Variants in PHACTR1 observed in about 807,000 individuals in gnomAD.
The protein encoded by PHACTR1 is phosphatase and actin regulator 1.
A neutral mutation model predicts 69.2 loss-of-function variants in PHACTR1; 16 were observed. The ratio of observed to expected loss-of-function variants is 0.23; its 90% CI spans 0.16 to 0.35. The LOEUF (loss-of-function observed/expected upper bound fraction) is 0.35. Among genes scored for constraint, PHACTR1 ranks in the 10% least tolerant of loss-of-function variants. The pLI, the probability that PHACTR1 is intolerant of heterozygous loss-of-function variation, is 1.00. For synonymous variants in PHACTR1, 312 were observed against 284.5 expected, an observed-to-expected ratio of 1.10 and a Z score of -0.97; for missense variants, 510 against 734.7, an observed-to-expected ratio of 0.69 and a Z score of 3.54.
intron 8 of PHACTR1, among the ~76,000 whole-genome samples, chr6:13,213,100 G>A (rs1167496728): frequency 1.3e-5 from 2 of 152,120 alleles, no homozygotes; most frequent in Non-Finnish European, 2.9e-5. Flanking sequence ...GAGTGAGTGA[G>A]TGAGTGAGTG....
chr6:12,844,124 G>T (rs1778959796), intron 4 of PHACTR1, among the ~76,000 whole-genome samples: 2 of 152,186 alleles, frequency 1.3e-5, no homozygotes, highest in Non-Finnish European at 2.9e-5. Context: ...GCCAAGCGCA[G>T]TGGCTCATAC....
chr6:12,819,049 C>T (rs1775907587), intron 4 of PHACTR1, among the ~76,000 whole-genome samples: 1 of 152,222 alleles, frequency 6.6e-6, no homozygotes, highest in African/African-American at 2.4e-5. Flanking sequence ...ACTTCTCAGT[C>T]AAAGCATTGA....
intron 4 of PHACTR1, among the ~76,000 whole-genome samples, chr6:12,829,324 C>T (rs1235453521): frequency 1.3e-5 from 2 of 152,174 alleles, no homozygotes; most frequent in Non-Finnish European, 2.9e-5. Flanking sequence ...CAACTGTTTA[C>T]ATGAAGTTGT....
chr6:13,047,804 C>T (rs537739255), intron 4 of PHACTR1, among the ~76,000 whole-genome samples: 1 of 151,956 alleles, frequency 6.6e-6, no homozygotes, highest in Admixed American at 6.6e-5. Flanking sequence ...AGCAGAAAGC[C>T]AAGGTGATGC....
intron 4 of PHACTR1, among the ~76,000 whole-genome samples, chr6:13,040,362 A>G (rs1327704473): frequency 1.3e-5 from 2 of 152,222 alleles, no homozygotes; most frequent in Admixed American, 1.3e-4. Context: ...GGGAAAAAGG[A>G]ACAAGCACAA....
intron 10 of PHACTR1, among the ~76,000 whole-genome samples, chr6:13,263,009 C>T (rs990978162): frequency 2.6e-5 from 4 of 152,160 alleles, no homozygotes; most frequent in Non-Finnish European, 5.9e-5. Context: ...GTTCTGGAAA[C>T]GGCAGAAAGC....
chr6:13,120,289 G>A (rs1372500648), intron 5 of PHACTR1, among the ~76,000 whole-genome samples: 1 of 150,732 alleles, frequency 6.6e-6, no homozygotes, highest in Non-Finnish European at 1.5e-5. Flanking sequence ...TTTTCCTGGA[G>A]AAAAACATTC....
intron 4 of PHACTR1, among the ~76,000 whole-genome samples, chr6:12,810,322 T>G (rs771218608): frequency 1.3e-4 from 19 of 150,138 alleles, no homozygotes; most frequent in African/African-American, 4.0e-4. Flanking sequence ...TTGGTTGGTT[T>G]GTTGTTTGTT....
intron 4 of PHACTR1, among the ~76,000 whole-genome samples, chr6:12,757,761 CAGAG>C (rs1767507478): frequency 6.6e-6 from 1 of 152,052 alleles, no homozygotes; most frequent in Admixed American, 6.6e-5. Context: ...GTCAGGAGCT[CAGAG>C]AAAGACATGT....
intron 4 of PHACTR1, among the ~76,000 whole-genome samples, chr6:12,808,014 G>T (rs978527016): frequency 1.3e-5 from 2 of 152,162 alleles, no homozygotes; most frequent in Non-Finnish European, 2.9e-5. Flanking sequence ...TCTAGAGATT[G>T]AATTTTCCAC....
chr6:12,964,829 C>T (rs1239605246), intron 4 of PHACTR1, among the ~76,000 whole-genome samples: 4 of 152,146 alleles, frequency 2.6e-5, no homozygotes, highest in African/African-American at 9.7e-5. Flanking sequence ...CTTTAATCTG[C>T]ACAGCAAGCC....
intron 4 of PHACTR1, among the ~76,000 whole-genome samples, chr6:12,868,098 A>G: frequency 6.6e-6 from 1 of 152,066 alleles, no homozygotes; most frequent in Non-Finnish European, 1.5e-5. Flanking sequence ...CTCTACTAAA[A>G]ATACAAAAAT....
rs1472066777 is a variant in PHACTR1, at chr6:13,206,043, C to G, written c.893C>G (p.Ser298Cys). ...GGCAGCCACGGCCAGCACCTCCCCT[C>G]CACCACCGGCTCCCTCCCCATGCAC... ...QYGSHGQHLP[S>C]TTGSLPMHPS... The change falls in exon 8 of 15, where the codon TCC becomes TGC. Residue 298 changes from serine to cysteine, a missense_variant. Ser to Cys is a moderately radical substitution (Grantham distance 112, BLOSUM62 -1). Around this residue, in one of 2 missense-constraint regions of PHACTR1, gnomAD observed 419 missense variants for 530.9 expected, o/e 0.79. Transcript: ENST00000332995. 5 of 1,613,962 alleles carry G rather than the reference C, an allele frequency of 3.1e-6. No homozygotes were observed. The highest frequency in any genetic ancestry group is 4.2e-6 in the Non-Finnish European group (5 of 1,179,892).
intron 3 of PHACTR1, among the ~76,000 whole-genome samples, chr6:12,730,194 C>A (rs935210083): frequency 2.0e-5 from 3 of 152,114 alleles, no homozygotes; most frequent in African/African-American, 7.2e-5. Context: ...TTACATTGGC[C>A]TCTGAATATG....
intron 4 of PHACTR1, chr6:12,958,027 C>T (rs1792121179): frequency 3.0e-6 from 3 of 985,284 alleles, no homozygotes; most frequent in Non-Finnish European, 3.6e-6. Flanking sequence ...GAGCTTTGGG[C>T]AGCCTTTAAG....
rs531248788 is a variant in PHACTR1, at chr6:12,931,212, C to T, written c.251-122153C>T. 2.6e-4 allele frequency among the ~76,000 whole-genome samples: 39 copies of T among 152,220 alleles called. No homozygotes were observed. In the East Asian group the frequency reaches 7.5e-3, roughly 29 times the overall value. On this transcript the variant is annotated intron_variant, in intron 4 of 14. Coordinates refer to ENST00000332995, the MANE Select transcript of PHACTR1 (RefSeq NM_030948.6). The stretch of plus-strand genomic sequence containing the variant: ...TTAACAAGTGGTTTCTGGTATTTCT[C>T]CAACGATTGTGACTTTTCAGAGAGT...
intron 4 of PHACTR1, among the ~76,000 whole-genome samples, chr6:13,014,855 G>A (rs565886629): frequency 2.1e-4 from 32 of 152,216 alleles, no homozygotes; most frequent in South Asian, 4.1e-4. Flanking sequence ...CTGGGCAGGA[G>A]GAGCCCAGAG....
intron 10 of PHACTR1, among the ~76,000 whole-genome samples, chr6:13,243,184 T>A (rs879687043): frequency 2.6e-5 from 4 of 152,034 alleles, no homozygotes; most frequent in Non-Finnish European, 5.9e-5. Context: ...GATTCTGAGG[T>A]TTTTTTCCTC....
chr6:13,282,256 T>C (rs537005369), intron 12 of PHACTR1, among the ~76,000 whole-genome samples: 2 of 152,326 alleles, frequency 1.3e-5, no homozygotes, highest in East Asian at 3.9e-4. Flanking sequence ...TTAAATAGCA[T>C]TGATTGAACA....
Sources: gnomAD v4.1 joint callset for allele counts (sites outside exome capture counted in the v4.1 genomes callset) on GRCh38, gnomAD v4.1.1 for gene constraint, gnomAD v4.1.1 regional missense constraint, MANE v1.5 for transcripts, NCBI Gene and HGNC (gene_info 2026-07-23, HGNC 2026-07-21) for gene names.